ADGRL3: variants seen among roughly 807,000 people sequenced by gnomAD.
The protein encoded by ADGRL3 is adhesion G protein-coupled receptor L3.
Under a neutral mutation model 153.5 loss-of-function variants are expected in ADGRL3, and 62 were observed. The ratio of observed to expected loss-of-function variants is 0.40; its 90% CI spans 0.33 to 0.50. The LOEUF is 0.50. Ranked by LOEUF, ADGRL3 falls within the 20% of genes least tolerant of loss-of-function variation. ADGRL3 has a pLI of 0.47. For missense variants in ADGRL3, 1,641 were observed against 1,859.4 expected (o/e 0.88, Z 2.16); for synonymous variants, 710 against 672.5 (o/e 1.06, Z -0.86).
intron 8 of ADGRL3, among the ~76,000 whole-genome samples, chr4:61,778,413 C>T (rs533699917): frequency 3.3e-5 from 5 of 152,098 alleles, no homozygotes; most frequent in South Asian, 2.1e-4. Context: ...TAAGGACAAA[C>T]GTGGAAAAAC....
intron 1 of ADGRL3, among the ~76,000 whole-genome samples, chr4:61,269,355 G>C (rs1238505706): frequency 6.6e-6 from 1 of 151,542 alleles, no homozygotes; most frequent in Non-Finnish European, 1.5e-5. Context: ...GAGAACAATA[G>C]GTCTGATTTT....
At chr4:61,295,665 T>C (rs760335859) in intron 1 of ADGRL3, among the ~76,000 whole-genome samples, 19 of 151,962 alleles carry the variant, frequency 1.3e-4, no homozygotes, top group Middle Eastern at 3.2e-3. Flanking sequence ...TTTTAAAAAG[T>C]AAGAGCGGGC....
chr4:61,434,941 G>T lies in ADGRL3; in HGVS notation c.-174+51752G>T, dbSNP rs188220751. The stretch of plus-strand genomic sequence containing the variant: ...ACATTTTATAAAACAAAACTGATTT[G>T]TATGGCAGGATGGCCACTGAGATTT... On this transcript the variant is annotated intron_variant, in intron 2 of 26. Coordinates refer to ENST00000683033, the MANE Select transcript of ADGRL3 (RefSeq NM_001387552.1). Among the ~76,000 whole-genome samples, 10 of 152,074 alleles carry T rather than the reference G, an allele frequency of 6.6e-5. No individual in the cohort carries two copies. In the East Asian group the frequency reaches 1.3e-3, roughly 21 times the overall value.
intron 5 of ADGRL3, among the ~76,000 whole-genome samples, chr4:61,599,244 T>C (rs899012233): frequency 2.0e-5 from 3 of 152,238 alleles, no homozygotes; most frequent in East Asian, 3.8e-4. Context: ...TAGATTCTTC[T>C]TGGCCTCTCA....
chr4:61,433,326 G>C (rs1269498931), intron 2 of ADGRL3, among the ~76,000 whole-genome samples: 1 of 150,232 alleles, frequency 6.7e-6, no homozygotes, highest in Admixed American at 6.6e-5. Context: ...TTTGATCTTA[G>C]ATAATTTGTA....
chr4:61,484,098 T>G (rs943896417), intron 2 of ADGRL3, among the ~76,000 whole-genome samples: 1 of 152,060 alleles, frequency 6.6e-6, no homozygotes, highest in African/African-American at 2.4e-5. Context: ...TCCCCGATTT[T>G]TTTTTTACTT....
intron 1 of ADGRL3, among the ~76,000 whole-genome samples, chr4:61,293,722 G>A (rs1462087659): frequency 1.3e-5 from 2 of 152,076 alleles, no homozygotes; most frequent in African/African-American, 4.8e-5. Flanking sequence ...TTTTTAATAA[G>A]CTAATCCAAC....
chr4:61,592,208 G>C (rs917306129), intron 5 of ADGRL3, among the ~76,000 whole-genome samples: 2 of 152,110 alleles, frequency 1.3e-5, no homozygotes, highest in Non-Finnish European at 2.9e-5. Context: ...GTCATTCGGG[G>C]TGATGCTAAG....
chr4:61,996,389 A>T, intron 20 of ADGRL3, 32 bp downstream of exon 20: 1 of 1,475,810 alleles, frequency 6.8e-7, no homozygotes, highest in South Asian at 1.1e-5. Flanking sequence ...TGTGTTTCCC[A>T]GATCAAGAAG....
intron 25 of ADGRL3, among the ~76,000 whole-genome samples, chr4:62,061,071 A>T (rs192062846): frequency 1.7e-4 from 26 of 152,018 alleles, no homozygotes; most frequent in Non-Finnish European, 3.8e-4. Flanking sequence ...CATTTTTTCA[A>T]TGTTGAGGTT....
chr4:61,767,056 G>A (rs2096993848), intron 8 of ADGRL3, among the ~76,000 whole-genome samples: 2 of 151,960 alleles, frequency 1.3e-5, no homozygotes, highest in Non-Finnish European at 2.9e-5. Context: ...GGCGTTGAGT[G>A]GGGTAAGGGT....
At chr4:61,479,684 G>A (rs182078121) in intron 2 of ADGRL3, among the ~76,000 whole-genome samples, 1 of 152,026 alleles carries the variant, frequency 6.6e-6, no homozygotes, top group East Asian at 1.9e-4. Context: ...GTAAAAGAAT[G>A]GTGTAAATTC....
At chr4:62,063,357 C>T in intron 25 of ADGRL3, 1 of 449,044 alleles carries the variant, frequency 2.2e-6, no homozygotes, top group Non-Finnish European at 4.0e-6. Context: ...CTCTAAGTGG[C>T]ATATTTTTTT....
At chr4:61,951,031 A>C (rs1267241691) in intron 17 of ADGRL3, among the ~76,000 whole-genome samples, 1 of 152,224 alleles carries the variant, frequency 6.6e-6, no homozygotes, top group African/African-American at 2.4e-5. Context: ...AACTGTGGCC[A>C]TGAAGGGCAT....
chr4:61,486,568 G>C (rs1333892781), intron 2 of ADGRL3, among the ~76,000 whole-genome samples: 1 of 152,114 alleles, frequency 6.6e-6, no homozygotes, highest in Non-Finnish European at 1.5e-5. Context: ...CCATCTTTGA[G>C]TTAGAATTAG....
intron 11 of ADGRL3, among the ~76,000 whole-genome samples, chr4:61,905,522 G>C (rs149065290): frequency 6.6e-6 from 1 of 152,128 alleles, no homozygotes; most frequent in East Asian, 1.9e-4. Flanking sequence ...TAGTCTTACA[G>C]GTATTTTAGG....
At chr4:61,998,973 T>C (rs1164134285) in intron 21 of ADGRL3, among the ~76,000 whole-genome samples, 1 of 152,150 alleles carries the variant, frequency 6.6e-6, no homozygotes, top group Non-Finnish European at 1.5e-5. Flanking sequence ...GGTACCTACA[T>C]GTACCAAAAG....
intron 9 of ADGRL3, among the ~76,000 whole-genome samples, chr4:61,822,778 C>G (rs929306606): frequency 2.0e-5 from 3 of 151,862 alleles, no homozygotes; most frequent in African/African-American, 7.3e-5. Context: ...TCTAAAGGAG[C>G]CAATTGAGAA....
intron 13 of ADGRL3, among the ~76,000 whole-genome samples, chr4:61,921,894 A>G (rs1340405564): frequency 6.6e-6 from 1 of 152,206 alleles, no homozygotes; most frequent in African/African-American, 2.4e-5. Context: ...GGAAAAGAGT[A>G]AATGTGTAGA....
Sources: allele counts gnomAD v4.1 joint callset (sites outside exome capture counted in the v4.1 genomes callset), GRCh38; gene constraint gnomAD v4.1.1; transcripts MANE v1.5; gene names NCBI Gene and HGNC (gene_info 2026-07-23, HGNC 2026-07-21).